The following PHC1 variants were observed in gnomAD, a reference collection of about 807,000 sequenced individuals.
PHC1 encodes the protein polyhomeotic-like protein 1.
PHC1 carries 12 observed loss-of-function variants against 104.3 expected under a neutral mutation model. The ratio of observed to expected loss-of-function variants is 0.12; its 90% confidence interval spans 0.07 to 0.19. The LOEUF is 0.19. Ranked by LOEUF, PHC1 falls within the 10% of genes least tolerant of loss-of-function variation. The pLI is 1.00. For missense variants in PHC1, 671 were observed against 1,200.0 expected (o/e 0.56, Z 6.51); for synonymous variants, 302 against 455.8 (o/e 0.66, Z 4.30).
intron 6 of PHC1, among the ~76,000 whole-genome samples, chr12:8,927,092 A>C (rs1348573816): frequency 6.6e-6 from 1 of 152,218 alleles, no homozygotes; most frequent in Non-Finnish European, 1.5e-5. Context: ...CTGTAGTGTC[A>C]CGAAGGCAAG....
At chr12:8,927,746 T>A (rs1945557011) in intron 6 of PHC1, among the ~76,000 whole-genome samples, 1 of 152,330 alleles carries the variant, frequency 6.6e-6, no homozygotes, top group Admixed American at 6.5e-5. Context: ...TTATGTGCTC[T>A]AGCACCCAAT....
rs751873242 is a variant in PHC1 at position 8,937,993 on chromosome 12, G to A, written c.2793G>A (p.Val931=). The part of the protein sequence containing the change: ...PTPELHGINP[V]FLSSNPSRWS... ...CGGAATTACATGGCATCAACCCTGT[G>A]TTCCTGTCCAGTAATCCCAGCCGTT... Residue 931 remains valine, a synonymous_variant, in exon 14 of 15, where the codon GTG becomes GTA. Coordinates refer to ENST00000544916, the MANE Select transcript of PHC1 (RefSeq NM_004426.3). The A allele has an allele frequency of 1.2e-6, 2 of 1,607,780 alleles. No homozygotes were observed. The highest frequency in any genetic ancestry group is 1.7e-6 in the Non-Finnish European group (2 of 1,174,990).
intron 6 of PHC1, among the ~76,000 whole-genome samples, chr12:8,927,894 TTTCTTTC>T (rs1945567755): frequency 8.8e-6 from 1 of 113,946 alleles, no homozygotes. Context: ...TCTTTCTTTC[TTTCTTTC>T]TTTCTTTCTT....
At chr12:8,934,123 C>T in intron 9 of PHC1, 111 bp downstream of exon 9, 1 of 1,372,322 alleles carries the variant, frequency 7.3e-7, no homozygotes, top group Non-Finnish European at 1.0e-6. Flanking sequence ...AGTTGGTGGA[C>T]AAATGAATAG....
intron 14 of PHC1, among the ~76,000 whole-genome samples, chr12:8,938,663 T>G (rs1200671449): frequency 5.9e-5 from 9 of 152,166 alleles, no homozygotes; most frequent in African/African-American, 1.9e-4. Flanking sequence ...TTCTGGGCCC[T>G]TAAACAAAAA....
intron 6 of PHC1, among the ~76,000 whole-genome samples, 160 bp downstream of exon 6, chr12:8,922,948 A>G (rs1371005576): frequency 2.6e-5 from 4 of 152,212 alleles, no homozygotes; most frequent in African/African-American, 7.2e-5. Context: ...TGAATCCCAT[A>G]TAACCTTTGA....
chr12:8,931,083 C>T (rs966116392), intron 7 of PHC1, among the ~76,000 whole-genome samples, 156 bp downstream of exon 7: 2 of 151,962 alleles, frequency 1.3e-5, no homozygotes, highest in African/African-American at 2.4e-5. Context: ...CAGCCTTGAA[C>T]ATATTAGTTC....
chr12:8,926,765 A>T (rs377494635), intron 6 of PHC1, among the ~76,000 whole-genome samples: 6 of 150,626 alleles, frequency 4.0e-5, no homozygotes, highest in Non-Finnish European at 8.8e-5. Context: ...AATAACAAAC[A>T]TTAGCTGGGC....
rs1455677844 is a variant in PHC1 at position 8,919,344 on chromosome 12, A to C, written c.115-412A>C. 7.2e-5 allele frequency among the ~76,000 whole-genome samples: 11 copies of C among 152,226 alleles called. No individual in the cohort carries two copies. In the East Asian group the frequency reaches 1.4e-3, roughly 19 times the overall value. On this transcript the variant is annotated intron_variant, in intron 2 of 14. Transcript: ENST00000544916. This position sits in a 1 kb window ranked among gnomAD's most constrained non-coding sequence, Gnocchi z 4.9. ...CCAAAGTGCTGGGATTACAGGCAGG[A>C]GCCACCACGCCTGGCTCAGAAAGAT...
In PHC1 at chr12:8,919,981, C is replaced by G. The variant is rs761848062; in HGVS notation, c.225+115C>G. On this transcript the variant is annotated intron_variant, in intron 3 of 14. Transcript: ENST00000544916. The surrounding 1 kb of genome is among the most constrained non-coding windows in gnomAD (Gnocchi z 4.9). ...ACTAAGCCAGGCTGCAGACAGCCTC[C>G]TCCGCCTCCTGTCCTTCTGTGGGAG... is the stretch of plus-strand genomic sequence containing the variant. The G allele has an allele frequency of 5.6e-5, 81 of 1,453,820 alleles. No individual in the cohort carries two copies. Among genetic ancestry groups the G allele is most frequent in the Non-Finnish European group, 7.2e-5 (77 of 1,067,756 alleles). 90.1% of individuals were successfully genotyped at this position (1,453,820 alleles called of 1,614,324 possible).
intron 5 of PHC1, 143 bp from the exon 6 acceptor site, chr12:8,922,490 G>A: frequency 1.5e-6 from 1 of 650,476 alleles, no homozygotes. Flanking sequence ...GAGAATATGA[G>A]GCTCCTGGGT....
At chr12:8,934,068 G>C in intron 9 of PHC1, 56 bp downstream of exon 9, 1 of 1,580,666 alleles carries the variant, frequency 6.3e-7, no homozygotes, top group Non-Finnish European at 8.7e-7. Flanking sequence ...GGAATGTTCT[G>C]AGTGAGCTAA....
In PHC1 at chr12:8,932,960, T is replaced by C; in HGVS notation, c.1503T>C (p.Pro501=). The change falls in exon 8 of 15, where the codon CCT becomes CCC. Residue 501 remains proline (P), a synonymous_variant. Transcript: ENST00000544916. ...KPPIPIQSKP[P]VAPIKPPQLG... Reference sequence around the variant, plus strand: ...CAATTCCCATCCAATCCAAACCACCTGTAGCACCTATCAAGCCGCCTCAGT... The same window carrying C: ...CAATTCCCATCCAATCCAAACCACCCGTAGCACCTATCAAGCCGCCTCAGT... 1.4e-6 allele frequency: 1 copy of C among 736,598 alleles called. No individual in the cohort carries two copies. Among genetic ancestry groups the C allele is most frequent in the Non-Finnish European group, 2.3e-6 (1 of 428,098 alleles). 45.6% of individuals were successfully genotyped at this position (736,598 alleles called of 1,614,324 possible). A position where few individuals can be genotyped will look rare whatever the true frequency, so the allele number is the denominator to read the frequency against.
intron 1 of PHC1, chr12:8,916,112 G>A (rs1175530314): frequency 6.5e-6 from 1 of 154,314 alleles, no homozygotes; most frequent in Non-Finnish European, 1.5e-5. Context: ...CAAAAGATGT[G>A]GGGAGAAGGT....
At chr12:8,931,559 G>A (rs991184781) in intron 7 of PHC1, among the ~76,000 whole-genome samples, 5 of 152,174 alleles carry the variant, frequency 3.3e-5, no homozygotes, top group African/African-American at 9.7e-5. Context: ...AATTAGCCGG[G>A]CGTAGTGGTT....
intron 10 of PHC1, 92 bp downstream of exon 10, chr12:8,934,570 C>A: frequency 3.6e-6 from 3 of 837,684 alleles, no homozygotes; most frequent in South Asian, 1.8e-5. Context: ...AGGCACAGAA[C>A]TATTTAATGA....
chr12:8,937,066 T>A, intron 12 of PHC1, 102 bp downstream of exon 12: 1 of 1,417,236 alleles, frequency 7.1e-7, no homozygotes, highest in Non-Finnish European at 9.9e-7. Flanking sequence ...TATGTCTCCC[T>A]CCTTGCTTTT....
At chr12:8,932,144 G>A (rs888628886) in intron 7 of PHC1, among the ~76,000 whole-genome samples, 35 of 152,186 alleles carry the variant, frequency 2.3e-4, no homozygotes, top group Non-Finnish European at 3.5e-4. Context: ...GCAGTGTCAG[G>A]CCCTGGGCTG....
rs761393997 is a variant in PHC1, at chr12:8,930,526, C to T, written c.704C>T (p.Ser235Phe). 2.6e-6 allele frequency: 4 copies of T among 1,557,734 alleles called. No homozygotes were observed. In the South Asian group the frequency reaches 3.6e-5, roughly 14 times the overall value. ...STQKAIPPGA[S>F]PVSSLSQASS... is the part of the protein sequence containing the mutation. ...CAGAAGGCCATTCCTCCAGGAGCCT[C>T]CCCTGTCTCTAGCCTCTCCCAGGCC... Residue 235 changes from serine (S) to phenylalanine (F), a missense_variant, in exon 7 of 15, where the codon TCC (serine) becomes TTC (phenylalanine). Around this residue, in one of 9 missense-constraint regions of PHC1, gnomAD observed 237 missense variants for 331.1 expected, o/e 0.72. Transcript: ENST00000544916.
Sources: gnomAD v4.1 joint callset for allele counts (sites outside exome capture counted in the v4.1 genomes callset) on GRCh38, gnomAD v4.1.1 for gene constraint, gnomAD v4.1.1 regional missense constraint, Gnocchi (gnomAD v3.1) non-coding constraint, MANE v1.5 for transcripts, NCBI Gene and HGNC (gene_info 2026-07-23, HGNC 2026-07-21) for gene names.